The following EPB41L1 variants were observed in gnomAD, a reference collection of about 807,000 sequenced individuals.
EPB41L1 encodes band 4.1-like protein 1.
EPB41L1 carries 29 observed loss-of-function variants against 97.8 expected under a neutral mutation model. The ratio of observed to expected loss-of-function variants is 0.30; its 90% CI spans 0.22 to 0.40. EPB41L1 has a LOEUF of 0.40. Among genes scored for constraint, EPB41L1 ranks in the 10% least tolerant of loss-of-function variants. EPB41L1 has a pLI of 1.00. For synonymous variants in EPB41L1, 383 were observed against 459.2 expected, an observed-to-expected ratio of 0.83 and a Z score of 2.12; for missense variants, 812 against 1,162.3, an observed-to-expected ratio of 0.70 and a Z score of 4.38.
At chr20:36,136,452 T>C (rs989062261) in intron 2 of EPB41L1, among the ~76,000 whole-genome samples, 5 of 151,450 alleles carry the variant, frequency 3.3e-5, no homozygotes, top group Admixed American at 6.6e-5. Flanking sequence ...AGTGCTGAGA[T>C]TATAGGTGTG....
intron 21 of EPB41L1, among the ~76,000 whole-genome samples, chr20:36,228,526 T>C (rs11907790): frequency 0.086 from 13,072 of 152,236 alleles, 1,896 homozygotes; most frequent in African/African-American, 0.3. Context: ...TGATTGTGCC[T>C]GTGAATAGCT....
chr20:36,209,468 T>C lies in EPB41L1; in HGVS notation c.1669-20T>C, dbSNP rs372497924. The C allele has an allele frequency of 3.0e-4, 479 of 1,611,732 alleles. 2 individuals carry two copies. The highest frequency in any genetic ancestry group is 3.6e-4 in the Non-Finnish European group (428 of 1,178,394). On this transcript the variant is annotated intron_variant, in intron 14 of 21. Transcript: ENST00000338074. This position sits in a 1 kb window ranked among gnomAD's most constrained non-coding sequence, Gnocchi z 4.2. ...CTCCCCACCCCACATCCCCATTCTTTTGATTTTATCTGGCCATAGAGAGCA... is the reference window on the plus strand; with the variant it reads ...CTCCCCACCCCACATCCCCATTCTTCTGATTTTATCTGGCCATAGAGAGCA...
intron 1 of EPB41L1, among the ~76,000 whole-genome samples, chr20:36,108,290 T>TTTA (rs1226479483): frequency 6.6e-5 from 10 of 152,228 alleles, no homozygotes; most frequent in African/African-American, 2.4e-4. Flanking sequence ...TATAGTATTT[T>TTTA]TTACATTGAT....
chr20:36,209,857 G>C lies in EPB41L1; in HGVS notation c.2038G>C (p.Asp680His). 6.2e-7 allele frequency: 1 copy of C among 1,613,602 alleles called. No individual in the cohort carries two copies. The highest frequency in any genetic ancestry group is 8.5e-7 in the Non-Finnish European group (1 of 1,180,024). ...DESGGIEDSPDRGACSTPDMP... is the reference protein window; with the variant it reads ...DESGGIEDSPHRGACSTPDMP... ...GTCTGGGGGCATTGAGGACAGCCCG[G>C]ATCGAGGGGCCTGCTCCACCCCGGA... The change falls in exon 15 of 22, where the codon GAT (aspartate) becomes CAT (histidine). Residue 680 changes from aspartate to histidine, a missense_variant. Asp to His is a moderately conservative substitution (Grantham distance 81). Transcript: ENST00000338074. This position sits in a 1 kb window ranked among gnomAD's most constrained non-coding sequence, Gnocchi z 4.2.
intron 1 of EPB41L1, among the ~76,000 whole-genome samples, chr20:36,100,035 G>T (rs1247247642): frequency 1.3e-5 from 2 of 152,220 alleles, no homozygotes. Flanking sequence ...TGGTGGGAGG[G>T]CCACCATGCG....
intron 2 of EPB41L1, among the ~76,000 whole-genome samples, chr20:36,115,846 C>T (rs1164436105): frequency 1.3e-5 from 2 of 152,064 alleles, no homozygotes; most frequent in African/African-American, 2.4e-5. Context: ...GAGTCGCAAT[C>T]GTATGACTGC....
In EPB41L1 at chr20:36,212,319, G is replaced by A. The variant is rs746958966; in HGVS notation, c.2127G>A (p.Lys709=). 1 of 1,614,214 alleles carries A rather than the reference G, an allele frequency of 6.2e-7. No individual in the cohort carries two copies. Among genetic ancestry groups the A allele is most frequent in the Non-Finnish European group, 8.5e-7 (1 of 1,180,034 alleles). Residue 709 remains lysine, a synonymous_variant, in exon 16 of 22, where the codon AAG becomes AAA. Transcript: ENST00000338074. This position sits in a 1 kb window ranked among gnomAD's most constrained non-coding sequence, Gnocchi z 4.8. ...CTGTCAGCAGTCTGGCCATTAGAAA[G>A]AAGATTGAGCCGGAGGCCGTACTGC... is the stretch of plus-strand genomic sequence containing the variant. ...TMTVSSLAIR[K]KIEPEAVLQT...
At chr20:36,200,975 G>A (rs1015007421) in intron 14 of EPB41L1, 1 of 456,924 alleles carries the variant, frequency 2.2e-6, no homozygotes, top group Admixed American at 2.3e-5. Flanking sequence ...AGCATCTCCT[G>A]AGGTTACTGT....
Position 36,155,887 on chromosome 20 carries a change from G to T in EPB41L1, c.-15+991G>T, listed in dbSNP as rs962015225. 2.3e-4 allele frequency: 58 copies of T among 249,842 alleles called. 1 individual carries two copies. The highest frequency in any genetic ancestry group is 1.3e-3 in the African/African-American group (57 of 43,530). 15.5% of individuals were successfully genotyped at this position (249,842 alleles called of 1,614,324 possible). Reference sequence around the variant, plus strand: ...CTCCAGGGCTGTGCGGGGTCCAGCGGCTTGGCTTCATTCCCACCCCATCCC... The same window carrying T: ...CTCCAGGGCTGTGCGGGGTCCAGCGTCTTGGCTTCATTCCCACCCCATCCC... On this transcript the variant is annotated intron_variant, in intron 1 of 21. Coordinates refer to ENST00000338074, the MANE Select transcript of EPB41L1 (RefSeq NM_012156.2).
intron 2 of EPB41L1, among the ~76,000 whole-genome samples, chr20:36,129,334 T>C (rs1282332137): frequency 6.6e-6 from 1 of 152,016 alleles, no homozygotes; most frequent in Non-Finnish European, 1.5e-5. Flanking sequence ...TGGCCACGGG[T>C]GTGGTAAGTT....
At chr20:36,211,367 C>T (rs994431427) in intron 15 of EPB41L1, among the ~76,000 whole-genome samples, 4 of 151,500 alleles carry the variant, frequency 2.6e-5, no homozygotes, top group Non-Finnish European at 4.4e-5. Context: ...GGCAACGGAA[C>T]GAGATTCCAT....
chr20:36,117,670 G>A (rs1352811303), intron 2 of EPB41L1, among the ~76,000 whole-genome samples: 2 of 120,654 alleles, frequency 1.7e-5, no homozygotes, highest in Admixed American at 1.5e-4. Flanking sequence ...CACAGACAGA[G>A]CAGGGCTAGA....
chr20:36,195,534 A>G lies in EPB41L1; in HGVS notation c.1485+170A>G, dbSNP rs1028977446. Among the ~76,000 whole-genome samples the G allele has an allele frequency of 6.6e-6, 1 of 151,216 alleles. No individual in the cohort carries two copies. The highest frequency in any genetic ancestry group is 6.6e-5 in the Admixed American group (1 of 15,192). On this transcript the variant is annotated intron_variant, in intron 13 of 21. Transcript: ENST00000338074. The surrounding 1 kb of genome is among the most constrained non-coding windows in gnomAD (Gnocchi z 4.6). ...AGCCGTCCTTGCTCCCCACTCCGCC[A>G]CCCGCTAAGCTTCTCTCTCCAGCTC... is the stretch of plus-strand genomic sequence containing the variant.
intron 2 of EPB41L1, among the ~76,000 whole-genome samples, chr20:36,132,625 G>A (rs2059261431): frequency 6.6e-6 from 1 of 150,946 alleles, no homozygotes. Flanking sequence ...AGATCTCTCT[G>A]GATTACTGGA....
Position 36,172,305 on chromosome 20 carries a change from C to T in EPB41L1, c.-14-1459C>T, listed in dbSNP as rs1011053100. On this transcript the variant is annotated intron_variant, in intron 1 of 21. Transcript: ENST00000338074. Reference sequence around the variant, plus strand: ...TGTTGGCCAGGCTAGTCTCGAACTCCTGACCTCAGGTGATCTGCCTGCCTC... The same window carrying T: ...TGTTGGCCAGGCTAGTCTCGAACTCTTGACCTCAGGTGATCTGCCTGCCTC... 1.1e-4 allele frequency among the ~76,000 whole-genome samples: 16 copies of T among 152,264 alleles called. No individual in the cohort carries two copies. The South Asian group carries it at 1.9e-3, about 18-fold the overall frequency.
In EPB41L1 at chr20:36,206,573, G is replaced by C. The variant is rs1320670237; in HGVS notation, c.1669-2915G>C. On this transcript the variant is annotated intron_variant, in intron 14 of 21. Coordinates refer to ENST00000338074, the MANE Select transcript of EPB41L1 (RefSeq NM_012156.2). This position sits in a 1 kb window ranked among gnomAD's most constrained non-coding sequence, Gnocchi z 5.5. ...GATGCCCCTCCCGGAGGTGAGCCCA[G>C]GCCGACGCTGAATTCCTTAGACCTG... is the stretch of plus-strand genomic sequence containing the variant. The C allele has an allele frequency of 3.1e-6, 4 of 1,289,746 alleles. No homozygotes were observed. The highest frequency in any genetic ancestry group is 4.0e-6 in the Non-Finnish European group (4 of 988,894). The allele number at this position is 1,289,746 out of a possible 1,614,324, so 79.9% of individuals were successfully genotyped here.
At chr20:36,119,278 C>T (rs1351950884) in intron 2 of EPB41L1, among the ~76,000 whole-genome samples, 3 of 152,076 alleles carry the variant, frequency 2.0e-5, no homozygotes, top group Non-Finnish European at 4.4e-5. Flanking sequence ...GCTGACTGGA[C>T]CAGGAAGGAT....
In EPB41L1 at chr20:36,206,143, G is replaced by A. The variant is rs1345835779; in HGVS notation, c.1669-3345G>A. Reference sequence around the variant, plus strand: ...AGGCCCCTGGATCAGGGAAAGCCCAGGAGGGGCTGCCCTGGCTTCCGGCCG... The same window carrying A: ...AGGCCCCTGGATCAGGGAAAGCCCAAGAGGGGCTGCCCTGGCTTCCGGCCG... On this transcript the variant is annotated intron_variant, in intron 14 of 21. Transcript: ENST00000338074. The surrounding 1 kb of genome is among the most constrained non-coding windows in gnomAD (Gnocchi z 5.5). 7.8e-7 allele frequency: 1 copy of A among 1,289,896 alleles called. No individual in the cohort carries two copies. Among genetic ancestry groups the A allele is most frequent in the East Asian group, 5.5e-5 (1 of 18,026 alleles). 79.9% of individuals were successfully genotyped at this position (1,289,896 alleles called of 1,614,324 possible).
chr20:36,116,415 G>A (rs1324044950), intron 2 of EPB41L1, among the ~76,000 whole-genome samples: 1 of 152,158 alleles, frequency 6.6e-6, no homozygotes, highest in Non-Finnish European at 1.5e-5. Context: ...CTTCTGAGAC[G>A]TGAAGAGGTT....
Sources: gnomAD v4.1 joint callset for allele counts (sites outside exome capture counted in the v4.1 genomes callset) on GRCh38, gnomAD v4.1.1 for gene constraint, Gnocchi (gnomAD v3.1) non-coding constraint, MANE v1.5 for transcripts, NCBI Gene and HGNC (gene_info 2026-07-23, HGNC 2026-07-21) for gene names.